Variants in PERM1 observed in about 807,000 individuals in gnomAD.
PERM1 encodes the protein PPARGC1 and ESRR induced regulator, muscle 1.
Under a neutral mutation model 44.1 loss-of-function variants are expected in PERM1, and 45 were observed. That is an observed-to-expected ratio of 1.02 (90% confidence interval 0.80 to 1.31). The LOEUF is 1.31. Among genes scored for constraint, PERM1 ranks in the 50% most tolerant of loss-of-function variants. The pLI is 0.00. For missense variants in PERM1, 1,189 were observed against 1,106.9 expected, an observed-to-expected ratio of 1.07 and a Z score of -1.05; for synonymous variants, 565 against 477.1, an observed-to-expected ratio of 1.18 and a Z score of -2.40.
intron 1 of PERM1, 131 bp downstream of exon 2, chr1:978,750 T>A: frequency 1.2e-6 from 1 of 816,430 alleles, no homozygotes. Flanking sequence ...TGGGGGCTGG[T>A]CCCCAGGCTC....
At chr1:980,678 C>G (rs1213827321) in exon 1 of PERM1, 3 of 1,425,796 alleles carry the variant, frequency 2.1e-6, no homozygotes, top group Non-Finnish European at 2.7e-6. Context: ...GGGCTGGCGC[C>G]GGGGCCGAGG....
chr1:980,967 G>C, exon 1 of PERM1: 2 of 1,472,108 alleles, frequency 1.4e-6, no homozygotes. Flanking sequence ...ACTCATCGGC[G>C]GTGGCTGAGA....
chr1:976,264 G>C, exon 3 of PERM1: 3 of 1,515,394 alleles, frequency 2.0e-6, no homozygotes, highest in Non-Finnish European at 2.7e-6. Context: ...ACGTTGGCCA[G>C]CAAGGCTGCA....
chr1:976,365 C>G, intron 2 of PERM1, 96 bp from the exon 4 acceptor site: 1 of 1,478,620 alleles, frequency 6.8e-7, no homozygotes, highest in Non-Finnish European at 9.0e-7. Context: ...AAGGTCGGTG[C>G]GGCCAGGGCC....
rs1408116217 is a variant in PERM1 at position 978,845 on chromosome 1, G to A, written c.2149+36C>T. ...AAGATCCCTGGACAGTGTGTGCCTG[G>A]GATCTGGACGGGCTGTGGGATCCGA... On this transcript the variant is annotated intron_variant, in intron 1 of 2. Coordinates refer to ENST00000433179, the Ensembl canonical transcript of PERM1. The A allele has an allele frequency of 3.5e-6, 5 of 1,439,786 alleles. No individual in the cohort carries two copies. In the African/African-American group the frequency reaches 7.2e-5, roughly 21 times the overall value. The allele number at this position is 1,439,786 out of a possible 1,614,324, so 89.2% of individuals were successfully genotyped here.
exon 1 of PERM1, chr1:979,238 C>T: frequency 6.5e-7 from 1 of 1,550,116 alleles, no homozygotes; most frequent in South Asian, 1.2e-5. Context: ...GCCGCCTCAG[C>T]CTCTTCGTTC....
intron 1 of PERM1, among the ~76,000 whole-genome samples, chr1:978,169 G>A (rs1427767937): frequency 1.0e-5 from 1 of 95,498 alleles, no homozygotes; most frequent in African/African-American, 4.4e-5. Flanking sequence ...CCCAGGAACC[G>A]CCTGCCCCAC....
exon 2 of PERM1, chr1:976,589 T>C: frequency 6.5e-7 from 1 of 1,549,472 alleles, no homozygotes. Context: ...TCATTCTGGC[T>C]GAAGGCAAAT....
chr1:981,150 C>A, upstream of PERM1: 2 of 1,548,952 alleles, frequency 1.3e-6, no homozygotes, highest in Non-Finnish European at 1.7e-6. Flanking sequence ...GGAGCTCCCA[C>A]CGCCTCGGGG....
upstream of PERM1, chr1:981,254 T>G: frequency 1.4e-6 from 2 of 1,432,084 alleles, no homozygotes; most frequent in Non-Finnish European, 9.4e-7. Context: ...AGTTAGAAGA[T>G]CCCCAGCTCC....
exon 3 of PERM1, chr1:976,035 A>C: frequency 1.2e-6 from 1 of 831,628 alleles, no homozygotes; most frequent in Non-Finnish European, 1.8e-6. Context: ...CGGAGGGAGC[A>C]GCACCAGGAC....
chr1:979,076 C>T lies in PERM1; in HGVS notation c.1954G>A (p.Val652Met), dbSNP rs1221613783. Residue 652 changes from valine (V) to methionine (M), a missense_variant, in exon 1 of 3, where the codon GTG becomes ATG. Val to Met is a conservative substitution (Grantham distance 21). Coordinates refer to ENST00000433179, the Ensembl canonical transcript of PERM1. ...TAGACCTCAGGGATGGAGATGGGCA[C>T]GGGGTCTCCAGGTATGGGGGCCGGC... 3 of 1,548,408 alleles carry T rather than the reference C, an allele frequency of 1.9e-6. No homozygotes were observed. The East Asian group carries it at 7.3e-5, about 38-fold the overall frequency.
chr1:981,157 G>A (rs550359637), upstream of PERM1: 11 of 1,548,876 alleles, frequency 7.1e-6, no homozygotes, highest in African/African-American at 4.1e-5. Context: ...CCACCGCCTC[G>A]GGGCTCCATC....
exon 1 of PERM1, chr1:980,707 C>T (rs983680554): frequency 1.5e-5 from 21 of 1,419,858 alleles, no homozygotes; most frequent in Admixed American, 9.4e-5. Context: ...AGCTTCTGCC[C>T]GTGCGGACGT....
exon 1 of PERM1, chr1:980,952 G>A: frequency 6.9e-7 from 1 of 1,459,832 alleles, no homozygotes; most frequent in South Asian, 1.4e-5. Flanking sequence ...CCTGCAGGAG[G>A]CCACACTCAT....
In PERM1 at chr1:980,733, ACCGGT is replaced by A. The variant is rs1643774647; in HGVS notation, c.292_296del (p.Thr98SerfsTer53). ...GTGCGGACGTGCTGGGTGTCTGCTG[ACCGGT>A]CCCCAGGGCCAAGACAGGCTCACCC... On this transcript the variant is annotated frameshift_variant, in exon 1 of 3. Coordinates refer to ENST00000433179, the Ensembl canonical transcript of PERM1. LOFTEE classifies it high-confidence loss of function. 7.1e-7 allele frequency: 1 copy of A among 1,411,548 alleles called. No homozygotes were observed. The highest frequency in any genetic ancestry group is 1.4e-5 in the African/African-American group (1 of 69,108). The allele number at this position is 1,411,548 out of a possible 1,614,324, so 87.4% of individuals were successfully genotyped here.
chr1:978,641 T>G (rs1001523923), intron 1 of PERM1, among the ~76,000 whole-genome samples: 1 of 152,198 alleles, frequency 6.6e-6, no homozygotes, highest in Non-Finnish European at 1.5e-5. Context: ...CGCCGTCACA[T>G]GGGCCCGAAC....
exon 3 of PERM1, chr1:976,002 A>G: frequency 1.5e-6 from 1 of 661,642 alleles, no homozygotes; most frequent in Non-Finnish European, 2.4e-6. Flanking sequence ...GGCCGTGGTC[A>G]CTGGCTGGAT....
At chr1:981,029 T>C (rs1034722958) in exon 1 of PERM1, 2 of 1,530,698 alleles carry the variant, frequency 1.3e-6, no homozygotes, top group Admixed American at 2.3e-5. Context: ...AAATTTTCCA[T>C]GTGGAGTCAG....
Sources: gnomAD v4.1 joint callset for allele counts (sites outside exome capture counted in the v4.1 genomes callset) on GRCh38, gnomAD v4.1.1 for gene constraint, MANE v1.5 for transcripts, NCBI Gene and HGNC (gene_info 2026-07-23, HGNC 2026-07-21) for gene names.